GLO1: variants seen among roughly 807,000 people sequenced by gnomAD.
GLO1 encodes the protein lactoylglutathione lyase.
A neutral mutation model predicts 26.0 loss-of-function variants in GLO1; 28 were observed. The observed-to-expected ratio is 1.08, with a 90% CI of 0.80 to 1.48. GLO1 has a LOEUF of 1.48. GLO1 is among the 40% of genes most tolerant of loss of function. The pLI is 0.00. For missense variants in GLO1, 225 were observed against 224.8 expected (o/e 1.00, Z -0.01); for synonymous variants, 78 against 77.6 (o/e 1.00, Z -0.03).
Position 38,676,438 on chromosome 6 carries a change from T to G in GLO1, c.*857A>C, listed in dbSNP as rs1353842503. ...TCCAGCCCAAGAGCCAAGAGCACAA[T>G]GGTCAAACTCACTGAAGGTTTTTAC... On this transcript the variant is annotated 3_prime_UTR_variant, in exon 6 of 6. Transcript: ENST00000373365. 2 of 152,184 alleles carry G rather than the reference T, an allele frequency of 1.3e-5. No individual in the cohort carries two copies. Among genetic ancestry groups the G allele is most frequent in the African/African-American group, 2.4e-5 (1 of 41,464 alleles). 9.4% of individuals were successfully genotyped at this position (152,184 alleles called of 1,614,324 possible). A position where few individuals can be genotyped will look rare whatever the true frequency, so the allele number is the denominator to read the frequency against.
chr6:38,679,271 C>T (rs919052793), intron 5 of GLO1, among the ~76,000 whole-genome samples: 3 of 151,956 alleles, frequency 2.0e-5, no homozygotes, highest in African/African-American at 7.3e-5. Flanking sequence ...AGACTACAGG[C>T]ATGTGCCACC....
At chr6:38,688,349 C>G (rs1761484153) in intron 1 of GLO1, among the ~76,000 whole-genome samples, 1 of 151,998 alleles carries the variant, frequency 6.6e-6, no homozygotes, top group African/African-American at 2.4e-5. Context: ...GTACTCACAG[C>G]TGGGCCTTGG....
At chr6:38,684,022 C>T (rs187055068) in intron 3 of GLO1, among the ~76,000 whole-genome samples, 200 of 152,222 alleles carry the variant, frequency 1.3e-3, no homozygotes, top group African/African-American at 4.5e-3. Context: ...CCAGCCTGGG[C>T]AACATAGTGA....
At position 38,677,089 on chromosome 6, in the gene GLO1, AG is replaced by A. The variant is rs1761266052; in HGVS notation, c.*205del. 1.8e-6 allele frequency: 1 copy of A among 566,910 alleles called. No individual in the cohort carries two copies. Among genetic ancestry groups the A allele is most frequent in the Non-Finnish European group, 3.1e-6 (1 of 324,876 alleles). The allele number at this position is 566,910 out of a possible 1,614,324, so 35.1% of individuals were successfully genotyped here. A position where few individuals can be genotyped will look rare whatever the true frequency, so the allele number is the denominator to read the frequency against. ...AAATAAAGTTACACAACTATATTCA[AG>A]GACATGAGATAAAGCACTGCTTGAA... On this transcript the variant is annotated 3_prime_UTR_variant, in exon 6 of 6. Coordinates refer to ENST00000373365, the MANE Select transcript of GLO1 (RefSeq NM_006708.3).
intron 1 of GLO1, among the ~76,000 whole-genome samples, chr6:38,701,594 G>A (rs879383037): frequency 1.3e-4 from 20 of 152,042 alleles, no homozygotes; most frequent in Non-Finnish European, 2.4e-4. Context: ...AAAAAACCAG[G>A]TATTAATATT....
chr6:38,702,910 A>T, intron 1 of GLO1, 61 bp downstream of exon 1: 1 of 961,602 alleles, frequency 1.0e-6, no homozygotes, highest in Non-Finnish European at 1.6e-6. Context: ...GTTGGATAGA[A>T]TGCGGCCCGG....
intron 1 of GLO1, among the ~76,000 whole-genome samples, chr6:38,693,685 C>CTCTCTCTCTCTATA (rs869232489): frequency 5.6e-4 from 48 of 86,434 alleles, no homozygotes; most frequent in African/African-American, 1.5e-3. Flanking sequence ...CTCTCTCTCT[C>CTCTCTCTCTCTATA]TATATATATA....
rs1761270423 is a variant in GLO1, at chr6:38,677,345, C to T, written c.505G>A (p.Gly169Ser). 3.2e-6 allele frequency: 5 copies of T among 1,569,384 alleles called. No individual in the cohort carries two copies. In the South Asian group the frequency reaches 4.4e-5, roughly 14 times the overall value. Residue 169 changes from glycine to serine, a missense_variant, in exon 6 of 6, where the codon GGC becomes AGC. Gly to Ser is a moderately conservative substitution (Grantham distance 56). Transcript: ENST00000373365. ...GGATTCAAAATTTCAATCCAGTAGCCATCAGGATCTTGAATAAATGCCAGG... is the reference window on the plus strand; with the variant it reads ...GGATTCAAAATTTCAATCCAGTAGCTATCAGGATCTTGAATAAATGCCAGG... ...KGLAFIQDPD[G>S]YWIEILNPNK...
At position 38,682,108 on chromosome 6, in the gene GLO1, T is replaced by A. The variant is rs1373069886; in HGVS notation, c.377-7A>T. 1 of 1,475,676 alleles carries A rather than the reference T, an allele frequency of 6.8e-7. No homozygotes were observed. The highest frequency in any genetic ancestry group is 1.1e-5 in the South Asian group (1 of 88,264). 91.4% of individuals were successfully genotyped at this position (1,475,676 alleles called of 1,614,324 possible). ...ACAGCAATTCCAATATGACCTTACG[T>A]GATACCCCCCGAAAAAAGCAGAGAG... On this transcript the variant is annotated splice_polypyrimidine_tract_variant and splice_region_variant and intron_variant, in intron 4 of 5. Coordinates refer to ENST00000373365, the MANE Select transcript of GLO1 (RefSeq NM_006708.3).
At chr6:38,697,458 A>G (rs1761629383) in intron 1 of GLO1, among the ~76,000 whole-genome samples, 1 of 152,224 alleles carries the variant, frequency 6.6e-6, no homozygotes, top group African/African-American at 2.4e-5. Context: ...CCCATGTACC[A>G]CAGGAGCCAG....
chr6:38,698,423 C>T (rs1761642193), intron 1 of GLO1, among the ~76,000 whole-genome samples: 2 of 147,018 alleles, frequency 1.4e-5, no homozygotes, highest in East Asian at 3.9e-4. Context: ...GGGACCCCAT[C>T]ATATATATAT....
intron 5 of GLO1, among the ~76,000 whole-genome samples, chr6:38,678,830 G>A (rs1468288515): frequency 2.0e-5 from 3 of 152,156 alleles, no homozygotes; most frequent in Non-Finnish European, 4.4e-5. Context: ...AACCTGAAGA[G>A]GTGTTTTGTG....
intron 1 of GLO1, among the ~76,000 whole-genome samples, chr6:38,701,112 A>G (rs926475455): frequency 6.7e-6 from 1 of 149,886 alleles, no homozygotes; most frequent in Non-Finnish European, 1.5e-5. Context: ...TTTATGGCAA[A>G]TTCCAAAATT....
chr6:38,691,357 G>T (rs1048273599), intron 1 of GLO1, among the ~76,000 whole-genome samples: 16 of 151,980 alleles, frequency 1.1e-4, no homozygotes. Context: ...ACCCAGGCTG[G>T]AGTGCAGTGG....
In GLO1 at chr6:38,690,049, T is replaced by C. The variant is rs998529566; in HGVS notation, c.85-3075A>G. ...CATGTTGGCCAGGATGGTCTCGATCTCTTGACCTCGTGATCCGCCTGCCTT... is the reference window on the plus strand; with the variant it reads ...CATGTTGGCCAGGATGGTCTCGATCCCTTGACCTCGTGATCCGCCTGCCTT... On this transcript the variant is annotated intron_variant, in intron 1 of 5. Coordinates refer to ENST00000373365, the MANE Select transcript of GLO1 (RefSeq NM_006708.3). Among the ~76,000 whole-genome samples, 6 of 152,214 alleles carry C rather than the reference T, an allele frequency of 3.9e-5. No individual in the cohort carries two copies. The South Asian group carries it at 1.2e-3, about 32-fold the overall frequency.
chr6:38,703,120 G>A lies in GLO1; in HGVS notation c.-66C>T. The A allele has an allele frequency of 2.1e-6, 2 of 932,294 alleles. No homozygotes were observed. Among genetic ancestry groups the A allele is most frequent in the Non-Finnish European group, 3.3e-6 (2 of 601,710 alleles). 57.8% of individuals were successfully genotyped at this position (932,294 alleles called of 1,614,324 possible). A position where few individuals can be genotyped will look rare whatever the true frequency, so the allele number is the denominator to read the frequency against. On this transcript the variant is annotated 5_prime_UTR_variant, in exon 1 of 6. Transcript: ENST00000373365. ...GGAGGAGTCACCCACACTACGCCTC[G>A]GCCCTGTGCCGCCTTAACTAGGAAT...
chr6:38,702,884 G>T, intron 1 of GLO1, 87 bp downstream of exon 1: 2 of 742,364 alleles, frequency 2.7e-6, no homozygotes, highest in Non-Finnish European at 4.6e-6. Context: ...CGGACCTGCA[G>T]CGGCGGCGGG....
chr6:38,681,143 A>C (rs1357186957), intron 5 of GLO1, among the ~76,000 whole-genome samples: 1 of 152,094 alleles, frequency 6.6e-6, no homozygotes, highest in African/African-American at 2.4e-5. Flanking sequence ...GGCTCACTGC[A>C]ACCTCCACCT....
At chr6:38,688,190 G>A (rs747072727) in intron 1 of GLO1, among the ~76,000 whole-genome samples, 4 of 151,506 alleles carry the variant, frequency 2.6e-5, no homozygotes, top group African/African-American at 4.9e-5. Flanking sequence ...TTCTTTATTC[G>A]CAGCTTATAA....
Sources: allele counts gnomAD v4.1 joint callset (sites outside exome capture counted in the v4.1 genomes callset), GRCh38; gene constraint gnomAD v4.1.1; transcripts MANE v1.5; gene names NCBI Gene and HGNC (gene_info 2026-07-23, HGNC 2026-07-21).